Variants in DLGAP2 observed in about 807,000 individuals in gnomAD.
DLGAP2 encodes DLG associated protein 2.
In DLGAP2, 26 loss-of-function variants were observed where a neutral mutation model predicts 100.3. That is an observed-to-expected ratio of 0.26 (90% CI 0.19 to 0.36). DLGAP2 has a LOEUF of 0.36. Ranked by LOEUF, DLGAP2 falls within the 10% of genes least tolerant of loss-of-function variation. The pLI, the probability that DLGAP2 is intolerant of heterozygous loss-of-function variation, is 1.00. For missense variants in DLGAP2, 1,858 were observed against 1,453.2 expected (o/e 1.28, Z -4.53); for synonymous variants, 886 against 630.1 (o/e 1.41, Z -6.08).
chr8:1,102,189 A>T (rs1047741375), intron 2 of DLGAP2, among the ~76,000 whole-genome samples: 1 of 148,564 alleles, frequency 6.7e-6, no homozygotes. Flanking sequence ...ATTATATATA[A>T]TATTGAATTA....
At chr8:1,574,184 G>A (rs1237950733) in intron 6 of DLGAP2, among the ~76,000 whole-genome samples, 2 of 152,156 alleles carry the variant, frequency 1.3e-5, no homozygotes, top group Non-Finnish European at 2.9e-5. Flanking sequence ...CATGTTGAAT[G>A]CCAACTCTGT....
chr8:822,210 C>T (rs576972530), intron 1 of DLGAP2: 2 of 399,344 alleles, frequency 5.0e-6, no homozygotes, highest in African/African-American at 2.1e-5. Flanking sequence ...TGTGATCTTG[C>T]TCTTGCTTCC....
intron 3 of DLGAP2, among the ~76,000 whole-genome samples, chr8:1,484,753 C>T (rs1022679575): frequency 6.6e-6 from 1 of 152,240 alleles, no homozygotes; most frequent in African/African-American, 2.4e-5. Flanking sequence ...AGTTGGGCAT[C>T]ATATCTGAGG....
intron 2 of DLGAP2, among the ~76,000 whole-genome samples, chr8:1,006,980 C>G (rs1368858795): frequency 6.6e-6 from 1 of 151,610 alleles, no homozygotes; most frequent in Admixed American, 6.6e-5. Flanking sequence ...TCTCAAGTCT[C>G]AGGATGTGGT....
At chr8:1,186,990 G>A (rs1027998071) in intron 2 of DLGAP2, among the ~76,000 whole-genome samples, 7 of 152,170 alleles carry the variant, frequency 4.6e-5, no homozygotes, top group Non-Finnish European at 1.0e-4. Context: ...CCCGTTAATT[G>A]AACAATCTAA....
intron 10 of DLGAP2, among the ~76,000 whole-genome samples, chr8:1,672,566 T>C (rs2130845541): frequency 6.6e-6 from 1 of 152,324 alleles, no homozygotes; most frequent in Middle Eastern, 3.4e-3. Context: ...CACCAGGTTG[T>C]GAGAAGGCAG....
intron 10 of DLGAP2, among the ~76,000 whole-genome samples, chr8:1,675,170 T>A (rs1319102364): frequency 6.6e-6 from 1 of 152,166 alleles, no homozygotes; most frequent in Non-Finnish European, 1.5e-5. Context: ...TTACACCCGG[T>A]GAAAGTGGAC....
intron 2 of DLGAP2, among the ~76,000 whole-genome samples, chr8:1,027,923 C>T (rs1264647963): frequency 9.0e-5 from 7 of 77,714 alleles, no homozygotes; most frequent in African/African-American, 2.6e-4. Context: ...GTGGGGTGCT[C>T]GGTGCCTGTT....
In DLGAP2 at chr8:1,071,337, C is replaced by T. The variant is rs553397426; in HGVS notation, c.73+163371C>T. ...CCTGAAATAACCACTTCGGCCGCCTCCACGGTGCTTGACTTTCAAGGGTGG... is the reference window on the plus strand; with the variant it reads ...CCTGAAATAACCACTTCGGCCGCCTTCACGGTGCTTGACTTTCAAGGGTGG... On this transcript the variant is annotated intron_variant, in intron 2 of 14. Coordinates refer to ENST00000637795, the MANE Select transcript of DLGAP2 (RefSeq NM_001346810.2). Among the ~76,000 whole-genome samples the T allele has an allele frequency of 2.0e-5, 3 of 152,324 alleles. No homozygotes were observed. In the East Asian group the frequency reaches 5.8e-4, roughly 29 times the overall value.
chr8:1,527,457 A>C (rs1298943782), intron 4 of DLGAP2, among the ~76,000 whole-genome samples: 1 of 152,246 alleles, frequency 6.6e-6, no homozygotes, highest in African/African-American at 2.4e-5. Flanking sequence ...AATAAGTTCA[A>C]ACATGAAATT....
At chr8:1,127,431 C>G (rs992777600) in intron 2 of DLGAP2, among the ~76,000 whole-genome samples, 1 of 152,020 alleles carries the variant, frequency 6.6e-6, no homozygotes. Context: ...TGTGGAGGCC[C>G]CTTCGTGTGT....
intron 8 of DLGAP2, among the ~76,000 whole-genome samples, chr8:1,645,777 A>T (rs1798026079): frequency 1.3e-5 from 2 of 152,214 alleles, no homozygotes; most frequent in South Asian, 4.1e-4. Context: ...ATTTAATAGG[A>T]TATTTTTGGA....
chr8:905,652 C>A (rs1334398062), intron 1 of DLGAP2, among the ~76,000 whole-genome samples: 2 of 152,134 alleles, frequency 1.3e-5, no homozygotes, highest in African/African-American at 4.8e-5. Context: ...GTGAGCACCT[C>A]CAGTGCTCTG....
chr8:1,146,136 T>G (rs1796601966), intron 2 of DLGAP2, among the ~76,000 whole-genome samples: 1 of 152,128 alleles, frequency 6.6e-6, no homozygotes, highest in Admixed American at 6.5e-5. Context: ...CTGCCACACA[T>G]CTCTGCAGCC....
chr8:1,303,018 C>T (rs980693146), intron 3 of DLGAP2, among the ~76,000 whole-genome samples: 2 of 152,186 alleles, frequency 1.3e-5, no homozygotes, highest in Admixed American at 6.5e-5. Flanking sequence ...GATGGGCCTT[C>T]GTAAGGACAC....
At chr8:802,719 T>C (rs1796196024) in intron 1 of DLGAP2, among the ~76,000 whole-genome samples, 3 of 152,122 alleles carry the variant, frequency 2.0e-5, no homozygotes, top group African/African-American at 7.2e-5. Context: ...ACAGGTTGCA[T>C]CTTTCTGTAG....
intron 1 of DLGAP2, among the ~76,000 whole-genome samples, chr8:840,090 A>G (rs1331577076): frequency 1.2e-3 from 1 of 852 alleles, no homozygotes; most frequent in Non-Finnish European, 2.5e-3. Context: ...GAGCGCGTCC[A>G]CACGGTGCAC....
At chr8:1,354,061 A>AG (rs1417967979) in intron 3 of DLGAP2, among the ~76,000 whole-genome samples, 1 of 152,190 alleles carries the variant, frequency 6.6e-6, no homozygotes, top group Non-Finnish European at 1.5e-5. Context: ...TGCAGGCTTC[A>AG]GGGGGGCAAT....
At chr8:917,394 A>C (rs1798617259) in intron 2 of DLGAP2, among the ~76,000 whole-genome samples, 1 of 151,946 alleles carries the variant, frequency 6.6e-6, no homozygotes, top group Admixed American at 6.6e-5. Flanking sequence ...GTGCGCCACC[A>C]CACCCAGCTA....
Sources: gnomAD v4.1 joint callset for allele counts (sites outside exome capture counted in the v4.1 genomes callset) on GRCh38, gnomAD v4.1.1 for gene constraint, MANE v1.5 for transcripts, NCBI Gene and HGNC (gene_info 2026-07-23, HGNC 2026-07-21) for gene names.